Variants in CTNNBIP1 observed in about 807,000 individuals in gnomAD.
CTNNBIP1 encodes beta-catenin-interacting protein 1.
In CTNNBIP1, 7 loss-of-function variants were observed where a neutral mutation model predicts 11.8. The observed-to-expected ratio is 0.60, with a 90% CI of 0.34 to 1.12. The LOEUF is 1.12. CTNNBIP1 is among the 50% of genes most tolerant of loss of function. CTNNBIP1 has a pLI of 0.03. For synonymous variants in CTNNBIP1, 58 were observed against 43.9 expected, an observed-to-expected ratio of 1.32 and a Z score of -1.26; for missense variants, 101 against 113.4, an observed-to-expected ratio of 0.89 and a Z score of 0.50.
chr1:9,876,107 A>C (rs1401095267), intron 3 of CTNNBIP1, among the ~76,000 whole-genome samples: 1 of 152,264 alleles, frequency 6.6e-6, no homozygotes, highest in Non-Finnish European at 1.5e-5. Flanking sequence ...AACTATGTTT[A>C]AATTACATAA....
chr1:9,901,235 G>A (rs1639514863), intron 1 of CTNNBIP1, among the ~76,000 whole-genome samples: 1 of 152,188 alleles, frequency 6.6e-6, no homozygotes, highest in African/African-American at 2.4e-5. Flanking sequence ...TAGGATATTT[G>A]GCAAGGGTGC....
intron 3 of CTNNBIP1, among the ~76,000 whole-genome samples, chr1:9,875,509 C>A (rs962709215): frequency 6.6e-6 from 1 of 152,222 alleles, no homozygotes; most frequent in African/African-American, 2.4e-5. Context: ...CTCGCCGTCC[C>A]GGGGACACCT....
At chr1:9,886,810 T>C (rs2101518361) in intron 1 of CTNNBIP1, among the ~76,000 whole-genome samples, 1 of 152,276 alleles carries the variant, frequency 6.6e-6, no homozygotes, top group South Asian at 2.1e-4. Flanking sequence ...TCAGGTCCTC[T>C]AGCGACATCA....
rs537732058 is a variant in CTNNBIP1 at position 9,848,616 on chromosome 1, CCT to C, written c.*2100_*2101del. On this transcript the variant is annotated 3_prime_UTR_variant, in exon 6 of 6. Transcript: ENST00000377263. This position sits in a 1 kb window ranked among gnomAD's most constrained non-coding sequence, Gnocchi z 4.3. The stretch of plus-strand genomic sequence containing the variant: ...AGGGGCTCAGCCAGACCTCCAGGCC[CCT>C]GAGCGGGGAGAGTGCGTGTGTGTGC... 8.9e-3 allele frequency: 1,359 copies of C among 152,340 alleles called. 8 individuals carry two copies. Among genetic ancestry groups the C allele is most frequent in the Non-Finnish European group, 0.014 (945 of 68,054 alleles). The allele number at this position is 152,340 out of a possible 1,614,324, so 9.4% of individuals were successfully genotyped here.
intron 1 of CTNNBIP1, among the ~76,000 whole-genome samples, chr1:9,900,536 G>A (rs1174967392): frequency 6.6e-6 from 1 of 152,214 alleles, no homozygotes; most frequent in African/African-American, 2.4e-5. Context: ...CCTCTTTAGA[G>A]ATTAGGAAGT....
chr1:9,894,068 C>T (rs1197117769), intron 1 of CTNNBIP1, among the ~76,000 whole-genome samples: 7 of 152,124 alleles, frequency 4.6e-5, no homozygotes, highest in African/African-American at 1.4e-4. Context: ...TCTTCCTCCT[C>T]ACCTTTTTCT....
At chr1:9,868,231 G>A (rs753658522) in intron 5 of CTNNBIP1, among the ~76,000 whole-genome samples, 8 of 152,130 alleles carry the variant, frequency 5.3e-5, no homozygotes, top group South Asian at 2.1e-4. Context: ...CACCTATTCC[G>A]CAACGATTCC....
At chr1:9,897,635 G>C (rs1313906066) in intron 1 of CTNNBIP1, among the ~76,000 whole-genome samples, 1 of 151,506 alleles carries the variant, frequency 6.6e-6, no homozygotes, top group Non-Finnish European at 1.5e-5. Flanking sequence ...CTGGGCGACA[G>C]AGCAAGACTC....
In CTNNBIP1 at chr1:9,867,772, A is replaced by G. The variant is rs1163551963; in HGVS notation, c.187+3415T>C. On this transcript the variant is annotated intron_variant, in intron 5 of 5. Transcript: ENST00000377263. The surrounding 1 kb of genome is among the most constrained non-coding windows in gnomAD (Gnocchi z 4.6). Reference sequence around the variant, plus strand: ...CCCCGCATCCTGCCCCAGTCCCTGGAGACAACAATCCAGGGCTTCTTCCAC... The same window carrying G: ...CCCCGCATCCTGCCCCAGTCCCTGGGGACAACAATCCAGGGCTTCTTCCAC... Among the ~76,000 whole-genome samples, 1 of 152,158 alleles carries G rather than the reference A, an allele frequency of 6.6e-6. No homozygotes were observed. The highest frequency in any genetic ancestry group is 1.5e-5 in the Non-Finnish European group (1 of 68,016).
chr1:9,907,579 T>C (rs1639642666), intron 1 of CTNNBIP1, among the ~76,000 whole-genome samples: 1 of 152,200 alleles, frequency 6.6e-6, no homozygotes. Flanking sequence ...GGCAGTAATG[T>C]TCCCATTTAA....
chr1:9,893,424 G>T (rs1379473695), intron 1 of CTNNBIP1, among the ~76,000 whole-genome samples: 2 of 152,156 alleles, frequency 1.3e-5, no homozygotes, highest in Non-Finnish European at 2.9e-5. Context: ...AAAGGAAGCA[G>T]AAGCTTCTGG....
chr1:9,849,270 G>A lies in CTNNBIP1; in HGVS notation c.*1448C>T, dbSNP rs1557739896. The A allele has an allele frequency of 1.3e-5, 2 of 152,536 alleles. No homozygotes were observed. The highest frequency in any genetic ancestry group is 4.8e-5 in the African/African-American group (2 of 41,472). 9.4% of individuals were successfully genotyped at this position (152,536 alleles called of 1,614,324 possible). A position where few individuals can be genotyped will look rare whatever the true frequency, so the allele number is the denominator to read the frequency against. On this transcript the variant is annotated 3_prime_UTR_variant, in exon 6 of 6. Transcript: ENST00000377263. ...CATTCTGAACTGCAATTCTGGGCCT[G>A]AGTTTGGCTTAAGGGCCAGTCTGAA...
At chr1:9,869,471 C>T (rs1468530614) in intron 5 of CTNNBIP1, among the ~76,000 whole-genome samples, 1 of 152,154 alleles carries the variant, frequency 6.6e-6, no homozygotes, top group East Asian at 1.9e-4. Context: ...ATTACACCTG[C>T]ATGCTACCAT....
chr1:9,898,227 T>C (rs927724793), intron 1 of CTNNBIP1, among the ~76,000 whole-genome samples: 2 of 150,246 alleles, frequency 1.3e-5, no homozygotes, highest in African/African-American at 2.4e-5. Context: ...AAAAAATATA[T>C]AATTAAAAGA....
At chr1:9,852,856 C>T (rs1326810616) in intron 5 of CTNNBIP1, among the ~76,000 whole-genome samples, 3 of 152,164 alleles carry the variant, frequency 2.0e-5, no homozygotes, top group Non-Finnish European at 4.4e-5. Flanking sequence ...GCCCTGGATG[C>T]CCCAGGAGGG....
chr1:9,887,714 AGAAAAAGAAAAATCCACCTTACAG>A (rs1285539929), intron 1 of CTNNBIP1, among the ~76,000 whole-genome samples: 2 of 152,158 alleles, frequency 1.3e-5, no homozygotes, highest in Admixed American at 1.3e-4. Flanking sequence ...GAAAAAAAAA[AGAAAAAGAAAAATCCACCTTACAG>A]GAAAAAGAAA....
chr1:9,886,710 C>A (rs1639193589), intron 1 of CTNNBIP1, among the ~76,000 whole-genome samples: 2 of 152,142 alleles, frequency 1.3e-5, no homozygotes, highest in South Asian at 4.1e-4. Context: ...TATACAAGTA[C>A]CTGGGTAAAA....
intron 1 of CTNNBIP1, among the ~76,000 whole-genome samples, chr1:9,909,301 G>C (rs1639682983): frequency 6.6e-6 from 1 of 152,220 alleles, no homozygotes; most frequent in Non-Finnish European, 1.5e-5. Flanking sequence ...TCAGACAGGA[G>C]GTGGTGCAAG....
Position 9,851,521 on chromosome 1 carries a change from T to C in CTNNBIP1, c.188-745A>G, listed in dbSNP as rs75004204. 0.034 allele frequency among the ~76,000 whole-genome samples: 5,183 copies of C among 151,966 alleles called. 323 individuals are homozygous for C. The highest frequency in any genetic ancestry group is 0.12 in the African/African-American group (4,833 of 41,426). The stretch of plus-strand genomic sequence containing the variant: ...GAGTAGCTGGGATTACAGGTGTGCA[T>C]CACCACGCCCGGCTAATTTTTTTGT... On this transcript the variant is annotated intron_variant, in intron 5 of 5. Transcript: ENST00000377263. The surrounding 1 kb of genome is among the most constrained non-coding windows in gnomAD (Gnocchi z 4.8).
Sources: gnomAD v4.1 joint callset for allele counts (sites outside exome capture counted in the v4.1 genomes callset) on GRCh38, gnomAD v4.1.1 for gene constraint, Gnocchi (gnomAD v3.1) non-coding constraint, MANE v1.5 for transcripts, NCBI Gene and HGNC (gene_info 2026-07-23, HGNC 2026-07-21) for gene names.